DLG2: variants seen among roughly 807,000 people sequenced by gnomAD.
DLG2 encodes the protein disks large homolog 2.
A neutral mutation model predicts 132.5 loss-of-function variants in DLG2; 45 were observed. That is an observed-to-expected ratio of 0.34 (90% CI 0.27 to 0.44). The LOEUF (loss-of-function observed/expected upper bound fraction) is 0.44. Ranked by LOEUF, DLG2 falls within the 20% of genes least tolerant of loss-of-function variation. The pLI is 1.00. For missense variants in DLG2, 1,045 were observed against 1,196.9 expected (o/e 0.87, Z 1.87); for synonymous variants, 424 against 419.6 (o/e 1.01, Z -0.13).
intron 7 of DLG2, among the ~76,000 whole-genome samples, chr11:84,375,185 G>GCC (rs1183691275): frequency 6.6e-6 from 1 of 152,258 alleles, no homozygotes; most frequent in East Asian, 1.9e-4. Flanking sequence ...GTTATTAACT[G>GCC]ATTATGTGAA....
chr11:83,655,413 T>A (rs2072056062), intron 18 of DLG2, among the ~76,000 whole-genome samples: 1 of 152,230 alleles, frequency 6.6e-6, no homozygotes, highest in Non-Finnish European at 1.5e-5. Flanking sequence ...GTAATATTAC[T>A]CAGCCTTTTC....
rs1052032735 is a variant in DLG2, at chr11:84,139,790, G to A, written c.624+23671C>T. ...TAAAAATACACAGAATTTAGTAGAA[G>A]AAAATTCAAACCAGTTTAAGAAAAC... is the stretch of plus-strand genomic sequence containing the variant. On this transcript the variant is annotated intron_variant, in intron 9 of 27. Coordinates refer to ENST00000376104, the MANE Select transcript of DLG2 (RefSeq NM_001142699.3). Among the ~76,000 whole-genome samples the A allele has an allele frequency of 5.9e-5, 9 of 152,156 alleles. 1 individual carries two copies. Among genetic ancestry groups the A allele is most frequent in the Admixed American group, 4.6e-4 (7 of 15,268 alleles).
chr11:85,345,564 T>A (rs1406705498), intron 3 of DLG2, among the ~76,000 whole-genome samples: 1 of 152,068 alleles, frequency 6.6e-6, no homozygotes, highest in Middle Eastern at 3.2e-3. Context: ...GGAACCAGGA[T>A]TCAAATTAGG....
intron 6 of DLG2, among the ~76,000 whole-genome samples, chr11:84,560,100 G>A (rs2099422053): frequency 6.6e-6 from 1 of 152,012 alleles, no homozygotes; most frequent in South Asian, 2.1e-4. Flanking sequence ...AATCTTTTTA[G>A]ATTCTTTTAT....
At chr11:85,511,724 C>CT (rs35942548) in intron 3 of DLG2, among the ~76,000 whole-genome samples, 118,936 of 146,512 alleles carry the variant, frequency 0.81, 48,385 homozygotes, top group Middle Eastern at 0.89. Context: ...TTTGAAGTTT[C>CT]TTTTTTTTTT....
chr11:85,609,023 C>T (rs1026499214), intron 2 of DLG2, among the ~76,000 whole-genome samples: 12 of 152,116 alleles, frequency 7.9e-5, no homozygotes, highest in African/African-American at 2.9e-4. Context: ...AGTATGGATC[C>T]CCACTGGGAC....
chr11:83,577,756 A>G (rs1259778689), intron 19 of DLG2, among the ~76,000 whole-genome samples: 23 of 127,536 alleles, frequency 1.8e-4, no homozygotes, highest in African/African-American at 6.6e-4. Context: ...TAAATATATA[A>G]TTATTAAATT....
At chr11:84,669,013 T>C (rs944932228) in intron 6 of DLG2, among the ~76,000 whole-genome samples, 1 of 152,030 alleles carries the variant, frequency 6.6e-6, no homozygotes, top group Non-Finnish European at 1.5e-5. Context: ...TGGGGGAGTA[T>C]ATAGTATATC....
chr11:85,491,237 A>G (rs1043407092), intron 3 of DLG2, among the ~76,000 whole-genome samples: 1 of 152,050 alleles, frequency 6.6e-6, no homozygotes, highest in African/African-American at 2.4e-5. Flanking sequence ...CATGATAAAA[A>G]CTCTCGAATT....
At chr11:84,191,458 T>C (rs1008626903) in intron 8 of DLG2, among the ~76,000 whole-genome samples, 7 of 152,208 alleles carry the variant, frequency 4.6e-5, no homozygotes, top group African/African-American at 1.7e-4. Context: ...CTTTTATTAC[T>C]CTTTCAAAAA....
intron 6 of DLG2, among the ~76,000 whole-genome samples, chr11:84,587,794 C>T (rs1044125552): frequency 6.6e-6 from 1 of 152,170 alleles, no homozygotes; most frequent in Non-Finnish European, 1.5e-5. Context: ...TTATATTATG[C>T]AGTCCATGCT....
intron 7 of DLG2, among the ~76,000 whole-genome samples, chr11:84,344,636 A>G (rs2098531114): frequency 6.6e-6 from 1 of 152,098 alleles, no homozygotes; most frequent in South Asian, 2.1e-4. Flanking sequence ...TCTGAAAACA[A>G]AAGACTTCCT....
At chr11:85,451,392 T>A (rs993633601) in intron 3 of DLG2, among the ~76,000 whole-genome samples, 1 of 152,152 alleles carries the variant, frequency 6.6e-6, no homozygotes, top group Admixed American at 6.5e-5. Flanking sequence ...ACCAGCACCC[T>A]CCACCCCCAA....
chr11:85,002,548 G>T (rs1203483500), intron 6 of DLG2, among the ~76,000 whole-genome samples: 1 of 152,056 alleles, frequency 6.6e-6, no homozygotes, highest in Admixed American at 6.6e-5. Context: ...TCATCTAAAA[G>T]TACTGGTAGA....
At chr11:84,145,038 A>G in intron 9 of DLG2, among the ~76,000 whole-genome samples, 1 of 152,170 alleles carries the variant, frequency 6.6e-6, no homozygotes, top group Non-Finnish European at 1.5e-5. Context: ...ATCAGATCCT[A>G]AACTCGTACC....
chr11:84,399,263 T>C (rs753239284), intron 7 of DLG2, among the ~76,000 whole-genome samples: 17 of 152,102 alleles, frequency 1.1e-4, no homozygotes, highest in Non-Finnish European at 2.4e-4. Flanking sequence ...CCTGAGAAGC[T>C]ATCTCTGGCC....
chr11:84,107,213 A>G (rs954404569), intron 9 of DLG2, among the ~76,000 whole-genome samples: 2 of 152,006 alleles, frequency 1.3e-5, no homozygotes, highest in African/African-American at 4.8e-5. Context: ...AGGAGGAGTG[A>G]GAATGGGGCC....
At chr11:85,441,796 G>A (rs1256147227) in intron 3 of DLG2, among the ~76,000 whole-genome samples, 2 of 152,082 alleles carry the variant, frequency 1.3e-5, no homozygotes, top group Non-Finnish European at 2.9e-5. Flanking sequence ...TGACAGACAA[G>A]GATCCTGTCC....
intron 6 of DLG2, among the ~76,000 whole-genome samples, chr11:84,779,557 T>C (rs1016570490): frequency 6.6e-5 from 10 of 152,166 alleles, no homozygotes; most frequent in Admixed American, 2.6e-4. Context: ...TTTTCTTTCT[T>C]TCTCTTGCCT....
Sources: allele counts gnomAD v4.1 joint callset (sites outside exome capture counted in the v4.1 genomes callset), GRCh38; gene constraint gnomAD v4.1.1; transcripts MANE v1.5; gene names NCBI Gene and HGNC (gene_info 2026-07-23, HGNC 2026-07-21).